The following TRPM6 variants were observed in gnomAD, a reference collection of about 807,000 sequenced individuals.
TRPM6 encodes channel kinase 2.
Under a neutral mutation model 247.6 loss-of-function variants are expected in TRPM6, and 111 were observed. That is an observed-to-expected ratio of 0.45 (90% CI 0.38 to 0.52). TRPM6 has a LOEUF of 0.52. Among genes scored for constraint, TRPM6 ranks in the 20% least tolerant of loss-of-function variants. TRPM6 has a pLI of 0.00. For missense variants in TRPM6, 2,126 were observed against 2,421.5 expected (o/e 0.88, Z 2.56); for synonymous variants, 892 against 853.8 (o/e 1.04, Z -0.78).
At chr9:74,832,266 A>C (rs1202450799) in intron 6 of TRPM6, among the ~76,000 whole-genome samples, 7 of 152,170 alleles carry the variant, frequency 4.6e-5, no homozygotes, top group Admixed American at 2.6e-4. Context: ...CACACACATA[A>C]AAAAATGAGA....
At position 74,866,323 on chromosome 9, in the gene TRPM6, G is replaced by C. The variant is rs998072532; in HGVS notation, c.34-7575C>G. Among the ~76,000 whole-genome samples the C allele has an allele frequency of 1.3e-5, 2 of 152,086 alleles. 1 individual carries two copies. Among genetic ancestry groups the C allele is most frequent in the South Asian group, 4.1e-4 (2 of 4,828 alleles). ...AAAATTTGGGGGACACTCATACCAC[G>C]TGTGTAACTTAGACAAATTCAAAAG... On this transcript the variant is annotated intron_variant, in intron 1 of 38. Transcript: ENST00000360774.
At chr9:74,801,243 A>ATTTTTTTTTTTTTTTTTTTTT (rs59490187) in intron 16 of TRPM6, among the ~76,000 whole-genome samples, 2 of 85,252 alleles carry the variant, frequency 2.3e-5, no homozygotes, top group Non-Finnish European at 4.2e-5. Flanking sequence ...AAGCCTGGGA[A>ATTTTTTTTTTTTTTTTTTTTT]TTTTTTTTTT....
At chr9:74,742,061 T>C (rs1319179138) in intron 33 of TRPM6, among the ~76,000 whole-genome samples, 5 of 152,186 alleles carry the variant, frequency 3.3e-5, no homozygotes, top group East Asian at 1.9e-4. Flanking sequence ...TTTTGATAGC[T>C]TTAGCCAGGG....
intron 21 of TRPM6, among the ~76,000 whole-genome samples, chr9:74,785,286 C>T (rs545091793): frequency 1.2e-4 from 18 of 152,218 alleles, no homozygotes; most frequent in African/African-American, 4.1e-4. Context: ...CACAACATAG[C>T]ATCTTTACAA....
rs760528613 is a variant in TRPM6 at position 74,855,526 on chromosome 9, C to T, written c.152+1G>A. 1 of 1,604,880 alleles carries T rather than the reference C, an allele frequency of 6.2e-7. No individual in the cohort carries two copies. The highest frequency in any genetic ancestry group is 8.5e-7 in the Non-Finnish European group (1 of 1,171,976). ...AGGAATCTTGCTTATCTAAGTCTTA[C>T]CTGATTAAATTCTGGCAGACTTGGC... On this transcript the variant is annotated splice_donor_variant, in intron 3 of 38. Coordinates refer to ENST00000360774, the MANE Select transcript of TRPM6 (RefSeq NM_017662.5). LOFTEE classifies it high-confidence loss of function.
chr9:74,812,564 C>CATA, intron 11 of TRPM6, 131 bp from the exon 12 acceptor site: 1 of 723,504 alleles, frequency 1.4e-6, no homozygotes. Context: ...TCAGTGGGTA[C>CATA]AGAAAAAAAA....
intron 14 of TRPM6, chr9:74,804,611 G>T (rs1828468925): frequency 1.1e-5 from 8 of 748,836 alleles, no homozygotes; most frequent in Admixed American, 6.9e-5. Flanking sequence ...CTGCTACTCA[G>T]CCTGAGGTTA....
chr9:74,827,551 T>A, intron 7 of TRPM6: 1 of 652,346 alleles, frequency 1.5e-6, no homozygotes, highest in Admixed American at 2.2e-5. Flanking sequence ...TTTGGGGGGA[T>A]CATGGAAGGA....
chr9:74,752,106 A>T (rs1325604963), intron 29 of TRPM6, among the ~76,000 whole-genome samples, 171 bp downstream of exon 29: 3 of 152,212 alleles, frequency 2.0e-5, no homozygotes, highest in African/African-American at 7.2e-5. Context: ...TGTGGAGGGG[A>T]TTGAAAAAAT....
At chr9:74,756,834 G>A (rs1347326975) in intron 27 of TRPM6, among the ~76,000 whole-genome samples, 3 of 150,964 alleles carry the variant, frequency 2.0e-5, no homozygotes, top group African/African-American at 7.3e-5. Flanking sequence ...GTGACAGAGT[G>A]AAACCCTGTC....
At chr9:74,846,151 ACAGATAAGTTGAT>A (rs1162284198) in intron 3 of TRPM6, among the ~76,000 whole-genome samples, 3 of 152,352 alleles carry the variant, frequency 2.0e-5, no homozygotes, top group Non-Finnish European at 4.4e-5. Context: ...TGATTAATCA[ACAGATAAGTTGAT>A]CAGGTAAGTT....
chr9:74,840,291 G>T, intron 4 of TRPM6, 54 bp from the exon 5 acceptor site: 4 of 1,342,084 alleles, frequency 3.0e-6, no homozygotes, highest in Non-Finnish European at 4.2e-6. Context: ...GTTATGCCAG[G>T]CACAGAAACA....
intron 33 of TRPM6, among the ~76,000 whole-genome samples, chr9:74,741,056 T>C (rs868868533): frequency 2.6e-5 from 4 of 152,206 alleles, no homozygotes; most frequent in African/African-American, 7.2e-5. Context: ...ATTGGGCTGT[T>C]GTAAAGGTTA....
intron 38 of TRPM6, among the ~76,000 whole-genome samples, chr9:74,724,956 G>A (rs1213975094): frequency 6.6e-6 from 1 of 152,152 alleles, no homozygotes; most frequent in Non-Finnish European, 1.5e-5. Context: ...CTGTTTGGGT[G>A]CTGTTTATGG....
intron 1 of TRPM6, among the ~76,000 whole-genome samples, chr9:74,869,105 T>C (rs1056731839): frequency 1.4e-4 from 21 of 152,086 alleles, no homozygotes; most frequent in African/African-American, 5.1e-4. Flanking sequence ...GATGAACAAA[T>C]CAATTTCAAG....
intron 2 of TRPM6, among the ~76,000 whole-genome samples, chr9:74,856,075 CT>C (rs1350126535): frequency 1.3e-5 from 2 of 151,956 alleles, no homozygotes; most frequent in Non-Finnish European, 2.9e-5. Context: ...ACAAATTATC[CT>C]TTATTAATCT....
chr9:74,735,003 A>G (rs894978515), intron 36 of TRPM6, among the ~76,000 whole-genome samples: 1 of 152,196 alleles, frequency 6.6e-6, no homozygotes, highest in Admixed American at 6.5e-5. Flanking sequence ...TCTTGAGCCC[A>G]GGAGTTTGAG....
intron 3 of TRPM6, among the ~76,000 whole-genome samples, chr9:74,853,404 T>C (rs866621157): frequency 6.6e-6 from 1 of 152,206 alleles, no homozygotes; most frequent in African/African-American, 2.4e-5. Flanking sequence ...ATGGCGGTTT[T>C]GTCAAATAGA....
At chr9:74,816,444 TCA>T (rs1460561024) in intron 11 of TRPM6, among the ~76,000 whole-genome samples, 14 of 143,548 alleles carry the variant, frequency 9.8e-5, no homozygotes, top group Non-Finnish European at 2.1e-4. Context: ...CTTTTCAGCT[TCA>T]GGTAGATTGC....
Sources: gnomAD v4.1 joint callset for allele counts (sites outside exome capture counted in the v4.1 genomes callset) on GRCh38, gnomAD v4.1.1 for gene constraint, MANE v1.5 for transcripts, NCBI Gene and HGNC (gene_info 2026-07-23, HGNC 2026-07-21) for gene names.